The following FZD7 variants were observed in gnomAD, a reference collection of about 807,000 sequenced individuals.
FZD7 encodes the protein frizzled class receptor 7.
Under a neutral mutation model 39.0 loss-of-function variants are expected in FZD7, and 21 were observed. That is an observed-to-expected ratio of 0.54 (90% CI 0.38 to 0.78). The LOEUF (loss-of-function observed/expected upper bound fraction) is 0.78. FZD7 is among the 30% of genes least tolerant of loss of function. The pLI, the probability that FZD7 is intolerant of heterozygous loss-of-function variation, is 0.00. For synonymous variants in FZD7, 428 were observed against 364.9 expected, an observed-to-expected ratio of 1.17 and a Z score of -1.97; for missense variants, 695 against 805.0, an observed-to-expected ratio of 0.86 and a Z score of 1.65.
In FZD7 at chr2:202,034,639, C is replaced by G; in HGVS notation, c.-9C>G. The G allele has an allele frequency of 1.3e-6, 2 of 1,540,316 alleles. No homozygotes were observed. Among genetic ancestry groups the G allele is most frequent in the Non-Finnish European group, 1.7e-6 (2 of 1,155,462 alleles). Reference sequence around the variant, plus strand: ...CAGGCTGAGAGCACCGCTGCACTCGCGGCCGGCGATGCGGGACCCCGGCGC... The same window carrying G: ...CAGGCTGAGAGCACCGCTGCACTCGGGGCCGGCGATGCGGGACCCCGGCGC... On this transcript the variant is annotated 5_prime_UTR_variant, in exon 1 of 1. Transcript: ENST00000286201.
In FZD7 at chr2:202,036,498, G is replaced by A. The variant is rs1297453322; in HGVS notation, c.*126G>A. 4.4e-5 allele frequency: 33 copies of A among 757,572 alleles called. No homozygotes were observed. The South Asian group carries it at 6.0e-4, about 14-fold the overall frequency. The allele number at this position is 757,572 out of a possible 1,614,324, so 46.9% of individuals were successfully genotyped here. A position where few individuals can be genotyped will look rare whatever the true frequency, so the allele number is the denominator to read the frequency against. The stretch of plus-strand genomic sequence containing the variant: ...CTCCCCCTCTACTGAGAAGTGACCT[G>A]GAAGTGAGAAGTTCTTTGCAGATTT... On this transcript the variant is annotated 3_prime_UTR_variant, in exon 1 of 1. Transcript: ENST00000286201.
chr2:202,034,141 G>A lies in FZD7; in HGVS notation c.-507G>A, dbSNP rs1436835395. Among the ~76,000 whole-genome samples the A allele has an allele frequency of 1.3e-5, 2 of 151,546 alleles. No homozygotes were observed. Among genetic ancestry groups the A allele is most frequent in the African/African-American group, 4.8e-5 (2 of 41,282 alleles). On this transcript the variant is annotated 5_prime_UTR_variant, in exon 1 of 1. Transcript: ENST00000286201. ...GTGTGGAGGAGGAGGCGAAGGAGGC[G>A]GCGACGAGCGGAGCCTCGAGGCCAG...
chr2:202,037,222 T>G lies in FZD7; in HGVS notation c.*850T>G, dbSNP rs1471381102. The G allele has an allele frequency of 6.0e-6, 1 of 167,098 alleles. No homozygotes were observed. The highest frequency in any genetic ancestry group is 2.4e-5 in the African/African-American group (1 of 41,458). 10.4% of individuals were successfully genotyped at this position (167,098 alleles called of 1,614,324 possible). Reference sequence around the variant, plus strand: ...GTTGCTTTTCAAAACAGGAATGCATTTTTCCCCTTGTCTTTGTTGTAAGAG... The same window carrying G: ...GTTGCTTTTCAAAACAGGAATGCATGTTTCCCCTTGTCTTTGTTGTAAGAG... On this transcript the variant is annotated 3_prime_UTR_variant, in exon 1 of 1. Coordinates refer to ENST00000286201, the MANE Select transcript of FZD7 (RefSeq NM_003507.2).
Position 202,037,946 on chromosome 2 carries a change from C to T in FZD7, c.*1574C>T, listed in dbSNP as rs539499094. 2 of 167,026 alleles carry T rather than the reference C, an allele frequency of 1.2e-5. No homozygotes were observed. The highest frequency in any genetic ancestry group is 2.9e-5 in the Non-Finnish European group (2 of 68,106). 10.3% of individuals were successfully genotyped at this position (167,026 alleles called of 1,614,324 possible). On this transcript the variant is annotated 3_prime_UTR_variant, in exon 1 of 1. Transcript: ENST00000286201. Reference sequence around the variant, plus strand: ...TGTACTTTTTTTCTGTAATAGAACTCGGATTCTTTTGCATGATGGGGTAAA... The same window carrying T: ...TGTACTTTTTTTCTGTAATAGAACTTGGATTCTTTTGCATGATGGGGTAAA...
At position 202,035,621 on chromosome 2, in the gene FZD7, G is replaced by A; in HGVS notation, c.974G>A (p.Arg325His). 6.2e-7 allele frequency: 1 copy of A among 1,614,180 alleles called. No individual in the cohort carries two copies. Reference sequence around the variant, plus strand: ...GAGCGCTTCTCGGACGATGGCTACCGCACGGTGGCGCAGGGCACCAAGAAG... The same window carrying A: ...GAGCGCTTCTCGGACGATGGCTACCACACGGTGGCGCAGGGCACCAAGAAG... The part of the protein sequence containing the change: ...CVERFSDDGY[R>H]TVAQGTKKEG... Residue 325 changes from arginine (R) to histidine (H), a missense_variant, in exon 1 of 1, where the codon CGC (arginine) becomes CAC (histidine). Transcript: ENST00000286201.
rs769473710 is a variant in FZD7, at chr2:202,036,203, A to G, written c.1556A>G (p.His519Arg). 7 of 1,613,516 alleles carry G rather than the reference A, an allele frequency of 4.3e-6. No homozygotes were observed. Among genetic ancestry groups the G allele is most frequent in the Admixed American group, 3.3e-5 (2 of 60,022 alleles). The stretch of plus-strand genomic sequence containing the variant: ...TATGCCGTGCCCTGCCCGCCCGGCC[A>G]CTTCCCGCCCATGAGCCCCGACTTC... ...KSYAVPCPPGHFPPMSPDFTV... is the reference protein window; with the variant it reads ...KSYAVPCPPGRFPPMSPDFTV... The change falls in exon 1 of 1, where the codon CAC (histidine) becomes CGC (arginine). Residue 519 changes from histidine to arginine, a missense_variant. Coordinates refer to ENST00000286201, the MANE Select transcript of FZD7 (RefSeq NM_003507.2).
Position 202,034,480 on chromosome 2 carries a change from G to C in FZD7, c.-168G>C. 1 of 416,624 alleles carries C rather than the reference G, an allele frequency of 2.4e-6. No individual in the cohort carries two copies. 25.8% of individuals were successfully genotyped at this position (416,624 alleles called of 1,614,324 possible). On this transcript the variant is annotated 5_prime_UTR_variant, in exon 1 of 1. Transcript: ENST00000286201. The stretch of plus-strand genomic sequence containing the variant: ...GGCGTCTGCGGCGCCTTCGCGGCGC[G>C]GGCACCCAGGCGGCAGCGCCCTTTG...
rs112052844 is a variant in FZD7 at position 202,036,422 on chromosome 2, A to G, written c.*50A>G. ...CACCCCAGCCCTCTTGCAAGAGGAG[A>G]GGCACGGTAGGGAAAAGAACTGCTG... is the stretch of plus-strand genomic sequence containing the variant. On this transcript the variant is annotated 3_prime_UTR_variant, in exon 1 of 1. Transcript: ENST00000286201. The G allele has an allele frequency of 7.1e-7, 1 of 1,403,330 alleles. No homozygotes were observed. Among genetic ancestry groups the G allele is most frequent in the Non-Finnish European group, 9.9e-7 (1 of 1,014,406 alleles). 86.9% of individuals were successfully genotyped at this position (1,403,330 alleles called of 1,614,324 possible).
Position 202,036,216 on chromosome 2 carries a change from G to A in FZD7, c.1569G>A (p.Met523Ile). The A allele has an allele frequency of 6.2e-7, 1 of 1,613,606 alleles. No individual in the cohort carries two copies. The highest frequency in any genetic ancestry group is 8.5e-7 in the Non-Finnish European group (1 of 1,180,014). ...VPCPPGHFPPMSPDFTVFMIK... is the reference protein window; with the variant it reads ...VPCPPGHFPPISPDFTVFMIK... ...GCCCGCCCGGCCACTTCCCGCCCAT[G>A]AGCCCCGACTTCACCGTCTTCATGA... Residue 523 changes from methionine (M) to isoleucine (I), a missense_variant, in exon 1 of 1, where the codon ATG (methionine) becomes ATA (isoleucine). Physicochemically the swap from Met to Ile is conservative, Grantham distance 10 (BLOSUM62 1). Transcript: ENST00000286201.
chr2:202,034,658 C>T lies in FZD7; in HGVS notation c.11C>T (p.Pro4Leu). The T allele has an allele frequency of 6.4e-7, 1 of 1,563,414 alleles. No individual in the cohort carries two copies. The highest frequency in any genetic ancestry group is 8.6e-7 in the Non-Finnish European group (1 of 1,163,854). Residue 4 changes from proline (P) to leucine (L), a missense_variant, in exon 1 of 1, where the codon CCC becomes CTC. Coordinates refer to ENST00000286201, the MANE Select transcript of FZD7 (RefSeq NM_003507.2). MRD[P>L]GAAAPLSSLG... ...CACTCGCGGCCGGCGATGCGGGACC[C>T]CGGCGCGGCCGCTCCGCTTTCGTCC...
In FZD7 at chr2:202,035,619, C is replaced by T. The variant is rs571062625; in HGVS notation, c.972C>T (p.Tyr324=). ...VCVERFSDDG[Y]RTVAQGTKKE... ...TGGAGCGCTTCTCGGACGATGGCTA[C>T]CGCACGGTGGCGCAGGGCACCAAGA... Residue 324 remains tyrosine (Y), a synonymous_variant, in exon 1 of 1, where the codon TAC becomes TAT. Transcript: ENST00000286201. 1.5e-5 allele frequency: 24 copies of T among 1,614,232 alleles called. No homozygotes were observed. The highest frequency in any genetic ancestry group is 1.9e-5 in the Non-Finnish European group (23 of 1,180,044).
At position 202,035,023 on chromosome 2, in the gene FZD7, C is replaced by T; in HGVS notation, c.376C>T (p.Arg126Cys). ...AIPPCRSLCE[R>C]ARQGCEALMN... is the part of the protein sequence containing the mutation. ...CCCGCCGTGTCGTTCTCTGTGCGAG[C>T]GCGCCCGCCAGGGCTGCGAGGCGCT... is the stretch of plus-strand genomic sequence containing the variant. Residue 126 changes from arginine to cysteine, a missense_variant, in exon 1 of 1, where the codon CGC (arginine) becomes TGC (cysteine). Coordinates refer to ENST00000286201, the MANE Select transcript of FZD7 (RefSeq NM_003507.2). The T allele has an allele frequency of 6.2e-7, 1 of 1,613,334 alleles. No homozygotes were observed. The highest frequency in any genetic ancestry group is 8.5e-7 in the Non-Finnish European group (1 of 1,179,920).
At position 202,037,625 on chromosome 2, in the gene FZD7, CAT is replaced by C. The variant is rs980207085; in HGVS notation, c.*1255_*1256del. On this transcript the variant is annotated 3_prime_UTR_variant, in exon 1 of 1. Coordinates refer to ENST00000286201, the MANE Select transcript of FZD7 (RefSeq NM_003507.2). ...ATTTGGATCCTTTGAGGTAAAAAAA[CAT>C]AATGTCTTCAGCCTCATAATAAAGG... 4 of 166,020 alleles carry C rather than the reference CAT, an allele frequency of 2.4e-5. No individual in the cohort carries two copies. The highest frequency in any genetic ancestry group is 4.9e-5 in the African/African-American group (2 of 41,076). The allele number at this position is 166,020 out of a possible 1,614,324, so 10.3% of individuals were successfully genotyped here. A position where few individuals can be genotyped will look rare whatever the true frequency, so the allele number is the denominator to read the frequency against.
chr2:202,033,902 C>T lies in FZD7; in HGVS notation c.-746C>T, dbSNP rs1688685723. ...CGGGCGGCGGCGGCGGCGGCGGCGG[C>T]GGGCGCCAGGACTCGCTGCTGGGGC... is the stretch of plus-strand genomic sequence containing the variant. On this transcript the variant is annotated 5_prime_UTR_variant, in exon 1 of 1. Coordinates refer to ENST00000286201, the MANE Select transcript of FZD7 (RefSeq NM_003507.2). 7.2e-6 allele frequency among the ~76,000 whole-genome samples: 1 copy of T among 139,846 alleles called. No homozygotes were observed. Among genetic ancestry groups the T allele is most frequent in the African/African-American group, 2.6e-5 (1 of 37,758 alleles). The allele number at this position is 139,846 out of a possible 152,430, so 91.7% of individuals were successfully genotyped here. A position where few individuals can be genotyped will look rare whatever the true frequency, so the allele number is the denominator to read the frequency against.
chr2:202,034,258 G>T lies in FZD7; in HGVS notation c.-390G>T, dbSNP rs1368009611. Among the ~76,000 whole-genome samples the T allele has an allele frequency of 2.6e-5, 4 of 151,762 alleles. No individual in the cohort carries two copies. The highest frequency in any genetic ancestry group is 2.9e-5 in the Non-Finnish European group (2 of 67,908). ...GCGGGGACCGGACCAGGCGCGGGGG[G>T]CGTGCGCGCTGCGGTGCGCCGGGGG... On this transcript the variant is annotated 5_prime_UTR_variant, in exon 1 of 1. Transcript: ENST00000286201.
rs993898180 is a variant in FZD7 at position 202,034,328 on chromosome 2, T to C, written c.-320T>C. 1.3e-5 allele frequency among the ~76,000 whole-genome samples: 2 copies of C among 151,704 alleles called. No homozygotes were observed. The highest frequency in any genetic ancestry group is 6.6e-5 in the Admixed American group (1 of 15,254). On this transcript the variant is annotated 5_prime_UTR_variant, in exon 1 of 1. Coordinates refer to ENST00000286201, the MANE Select transcript of FZD7 (RefSeq NM_003507.2). Reference sequence around the variant, plus strand: ...TTTGAAGGGTGCCGGAGCCGCTTGTTGCTCCTCGCGGCGGAGGGAGCCGCA... The same window carrying C: ...TTTGAAGGGTGCCGGAGCCGCTTGTCGCTCCTCGCGGCGGAGGGAGCCGCA...
In FZD7 at chr2:202,037,587, A is replaced by G. The variant is rs1231474891; in HGVS notation, c.*1215A>G. 6.0e-6 allele frequency: 1 copy of G among 166,184 alleles called. No individual in the cohort carries two copies. Among genetic ancestry groups the G allele is most frequent in the Non-Finnish European group, 1.5e-5 (1 of 67,966 alleles). 10.3% of individuals were successfully genotyped at this position (166,184 alleles called of 1,614,324 possible). A position where few individuals can be genotyped will look rare whatever the true frequency, so the allele number is the denominator to read the frequency against. On this transcript the variant is annotated 3_prime_UTR_variant, in exon 1 of 1. Coordinates refer to ENST00000286201, the MANE Select transcript of FZD7 (RefSeq NM_003507.2). ...AAGCCTATATTTAGGTTTCTTTTCT[A>G]TTTTTTTCTCCCATTTGGATCCTTT...
In FZD7 at chr2:202,034,981, G is replaced by A; in HGVS notation, c.334G>A (p.Val112Met). ...CTCCATGTATGCGCCCGTGTGCACC[G>A]TGCTCGATCAGGCCATCCCGCCGTG... ...LCSMYAPVCT[V>M]LDQAIPPCRS... Residue 112 changes from valine (V) to methionine (M), a missense_variant, in exon 1 of 1, where the codon GTG becomes ATG. Transcript: ENST00000286201. 1 of 1,613,934 alleles carries A rather than the reference G, an allele frequency of 6.2e-7. No homozygotes were observed. The highest frequency in any genetic ancestry group is 1.1e-5 in the South Asian group (1 of 91,088).
rs748764354 is a variant in FZD7, at chr2:202,035,227, C to T, written c.580C>T (p.Pro194Ser). 3 of 1,599,944 alleles carry T rather than the reference C, an allele frequency of 1.9e-6. No individual in the cohort carries two copies. The highest frequency in any genetic ancestry group is 4.5e-5 in the East Asian group (2 of 44,854). The change falls in exon 1 of 1, where the codon CCC becomes TCC. Residue 194 changes from proline (P) to serine (S), a missense_variant. By Grantham distance (74) the Pro-to-Ser change is moderately conservative. Coordinates refer to ENST00000286201, the MANE Select transcript of FZD7 (RefSeq NM_003507.2). ...GCCGGACCTGCCCTTCACCGCGCTG[C>T]CCCCGGGGGCCTCAGATGGCAGGGG... ...YLPDLPFTAL[P>S]PGASDGRGRP... is the part of the protein sequence containing the mutation.
Sources: gnomAD v4.1 joint callset for allele counts (sites outside exome capture counted in the v4.1 genomes callset) on GRCh38, gnomAD v4.1.1 for gene constraint, MANE v1.5 for transcripts, NCBI Gene and HGNC (gene_info 2026-07-23, HGNC 2026-07-21) for gene names.